The following UBE2V1 variants were observed in gnomAD, a reference collection of about 807,000 sequenced individuals.
UBE2V1 encodes ubiquitin conjugating enzyme E2 V1, also known as ubiquitin-conjugating enzyme E2 variant 1.
A neutral mutation model predicts 19.6 loss-of-function variants in UBE2V1; 15 were observed. The observed-to-expected ratio is 0.77, with a 90% CI of 0.51 to 1.18. UBE2V1 has a LOEUF of 1.18. Ranked by LOEUF, UBE2V1 falls within the 50% of genes most tolerant of loss-of-function variation. The pLI is 0.00. For missense variants in UBE2V1, 125 were observed against 184.8 expected, an observed-to-expected ratio of 0.68 and a Z score of 1.88; for synonymous variants, 60 against 60.7, an observed-to-expected ratio of 0.99 and a Z score of 0.05.
intron 2 of UBE2V1, among the ~76,000 whole-genome samples, chr20:50,084,954 T>C (rs529090972): frequency 1.5e-5 from 2 of 135,682 alleles, no homozygotes; most frequent in African/African-American, 5.4e-5. Flanking sequence ...TGGAGTGCAA[T>C]GGTGCGATCT....
intron 1 of UBE2V1, among the ~76,000 whole-genome samples, chr20:50,097,681 ATTTTCCC>A (rs1179659917): frequency 6.6e-6 from 1 of 151,976 alleles, no homozygotes; most frequent in Admixed American, 6.6e-5. Context: ...TCCTTCCTCC[ATTTTCCC>A]TGGCATATGC....
rs772644776 is a variant in UBE2V1, at chr20:50,084,258, G to GA, written c.172-5dup. ...ATATTCGGTTTTCATAAATTGTCTG[G>GA]AAAAAAAGAGTACGGAGATGTCACG... On this transcript the variant is annotated splice_region_variant and splice_polypyrimidine_tract_variant and intron_variant, in intron 2 of 3. Transcript: ENST00000371674. The GA allele has an allele frequency of 5.6e-6, 9 of 1,609,188 alleles. No homozygotes were observed. Among genetic ancestry groups the GA allele is most frequent in the African/African-American group, 4.0e-5 (3 of 74,676 alleles).
intron 1 of UBE2V1, among the ~76,000 whole-genome samples, chr20:50,097,528 G>C (rs2079704288): frequency 6.6e-6 from 1 of 152,148 alleles, no homozygotes; most frequent in African/African-American, 2.4e-5. Context: ...GCCATTTCTA[G>C]GTGTCTTCCA....
At position 50,084,212 on chromosome 20, in the gene UBE2V1, C is replaced by T. The variant is rs757319718; in HGVS notation, c.214G>A (p.Gly72Arg). 6.2e-7 allele frequency: 1 copy of T among 1,611,736 alleles called. No homozygotes were observed. The highest frequency in any genetic ancestry group is 1.3e-5 in the African/African-American group (1 of 74,730). ...GGGGGTGCTTCTGGGTATTTAGGTC[C>T]ACATTCTATTTTAAGGCTGTATATT... ...NRIYSLKIEC[G>R]PKYPEAPPFV... Residue 72 changes from glycine (G) to arginine (R), a missense_variant, in exon 3 of 4, where the codon GGA (glycine) becomes AGA (arginine). Gly to Arg is a moderately radical substitution (Grantham distance 125, BLOSUM62 -2). Transcript: ENST00000371674.
chr20:50,104,104 A>ACTCATGCCTGTAATCCCAGCACTTTGG (rs1491564113), intron 1 of UBE2V1, among the ~76,000 whole-genome samples: 1 of 150,538 alleles, frequency 6.6e-6, no homozygotes, highest in African/African-American at 2.4e-5. Flanking sequence ...CAACGTGGTG[A>ACTCATGCCTGTAATCCCAGCACTTTGG]AACCCTGTCT....
At chr20:50,099,728 G>C (rs550432430) in intron 1 of UBE2V1, among the ~76,000 whole-genome samples, 127 of 152,194 alleles carry the variant, frequency 8.3e-4, no homozygotes, top group African/African-American at 2.7e-3. Context: ...AAGGATCAAG[G>C]GTTCTTCTCT....
rs750138979 is a variant in UBE2V1 at position 50,096,747 on chromosome 20, T to C, written c.96A>G (p.Thr32=). 1 of 1,614,228 alleles carries C rather than the reference T, an allele frequency of 6.2e-7. No homozygotes were observed. The highest frequency in any genetic ancestry group is 1.7e-5 in the Admixed American group (1 of 60,026). ...EEGQKGVGDG[T]VSWGLEDDED... ...CGTCATCTTCTAGACCCCAGCTAAC[T>C]GTGCCATCTCCTACTCCTTTCTGGC... is the stretch of plus-strand genomic sequence containing the variant. The change falls in exon 2 of 4, where the codon ACA becomes ACG. Residue 32 remains threonine, a synonymous_variant. Transcript: ENST00000371674.
At chr20:50,094,031 TAAA>T (rs1366430352) in intron 2 of UBE2V1, among the ~76,000 whole-genome samples, 3 of 68,156 alleles carry the variant, frequency 4.4e-5, no homozygotes, top group African/African-American at 2.0e-4. Flanking sequence ...ATAATAATAA[TAAA>T]ATATATATAT....
At chr20:50,084,041 G>A (rs1016377908) in intron 3 of UBE2V1, 88 bp downstream of exon 3, 2 of 1,508,962 alleles carry the variant, frequency 1.3e-6, no homozygotes, top group African/African-American at 2.8e-5. Flanking sequence ...AAGAACCTAG[G>A]AATTGGGCCC....
At chr20:50,112,291 CCCT>C (rs1370629932) in intron 1 of UBE2V1, among the ~76,000 whole-genome samples, 1 of 152,176 alleles carries the variant, frequency 6.6e-6, no homozygotes, top group African/African-American at 2.4e-5. Flanking sequence ...CATCTGTTCT[CCCT>C]CATCCAATAT....
intron 2 of UBE2V1, among the ~76,000 whole-genome samples, chr20:50,086,730 T>TA (rs112323068): frequency 4.2e-3 from 604 of 144,854 alleles, no homozygotes; most frequent in East Asian, 0.011. Flanking sequence ...TGGAAGACAG[T>TA]AAAAAAAAAA....
chr20:50,106,917 T>C (rs1469964172), intron 1 of UBE2V1, among the ~76,000 whole-genome samples: 3 of 150,142 alleles, frequency 2.0e-5, no homozygotes, highest in Non-Finnish European at 4.4e-5. Context: ...CAGAGGTTTC[T>C]CCTGAAAAGA....
intron 1 of UBE2V1, among the ~76,000 whole-genome samples, chr20:50,102,551 CCTGA>C (rs1277615262): frequency 6.6e-6 from 1 of 152,086 alleles, no homozygotes; most frequent in Non-Finnish European, 1.5e-5. Context: ...CGCTACCATG[CCTGA>C]CTAATTTTGT....
rs1465608196 is a variant in UBE2V1, at chr20:50,082,263, G to A, written c.*505C>T. On this transcript the variant is annotated 3_prime_UTR_variant, in exon 4 of 4. Coordinates refer to ENST00000371674, the MANE Select transcript of UBE2V1 (RefSeq NM_001032288.3). ...ACTTAAAGAAACCAGGGGTGCAGGC[G>A]AAACACCCCACACACCTAGCAGTAG... The A allele has an allele frequency of 3.2e-5, 5 of 157,254 alleles. No individual in the cohort carries two copies. Among genetic ancestry groups the A allele is most frequent in the South Asian group, 3.8e-4 (2 of 5,276 alleles). The allele number at this position is 157,254 out of a possible 1,614,324, so 9.7% of individuals were successfully genotyped here. A position where few individuals can be genotyped will look rare whatever the true frequency, so the allele number is the denominator to read the frequency against.
chr20:50,094,837 C>T (rs1035807029), intron 2 of UBE2V1: 2 of 152,048 alleles, frequency 1.3e-5, no homozygotes, highest in Non-Finnish European at 2.9e-5. Context: ...AATGTAAGAC[C>T]ACCGAACTGT....
chr20:50,111,405 T>C, intron 1 of UBE2V1: 1 of 1,000,328 alleles, frequency 1.0e-6, no homozygotes, highest in Non-Finnish European at 1.2e-6. Context: ...TATTGCTGGC[T>C]ACCACCAGCA....
intron 1 of UBE2V1, among the ~76,000 whole-genome samples, chr20:50,105,461 G>A (rs947709150): frequency 1.2e-4 from 18 of 152,138 alleles, no homozygotes; most frequent in Admixed American, 2.6e-4. Context: ...AAAATTAAAC[G>A]TACATATGCC....
upstream of UBE2V1, among the ~76,000 whole-genome samples, chr20:50,113,796 T>C (rs1047632338): frequency 2.1e-5 from 2 of 95,288 alleles, no homozygotes; most frequent in African/African-American, 1.6e-4. Flanking sequence ...CATTCATTCG[T>C]TCATTCATTC....
At chr20:50,096,570 T>C in intron 2 of UBE2V1, 102 bp downstream of exon 2, 1 of 1,606,244 alleles carries the variant, frequency 6.2e-7, no homozygotes, top group Non-Finnish European at 8.5e-7. Flanking sequence ...TCAGAAAATA[T>C]ACCATTGGTG....
Sources: allele counts gnomAD v4.1 joint callset (sites outside exome capture counted in the v4.1 genomes callset), GRCh38; gene constraint gnomAD v4.1.1; transcripts MANE v1.5; gene names NCBI Gene and HGNC (gene_info 2026-07-23, HGNC 2026-07-21).